BICD1: variants seen among roughly 807,000 people sequenced by gnomAD.
The protein encoded by BICD1 is BICD cargo adaptor 1, also known as protein bicaudal D homolog 1.
A neutral mutation model predicts 92.5 loss-of-function variants in BICD1; 35 were observed. The ratio of observed to expected loss-of-function variants is 0.38; its 90% CI spans 0.29 to 0.50. The LOEUF is 0.50. BICD1 is among the 20% of genes least tolerant of loss of function. BICD1 has a pLI of 0.93. For synonymous variants in BICD1, 429 were observed against 465.1 expected (o/e 0.92, Z 1.00); for missense variants, 950 against 1,189.8 (o/e 0.80, Z 2.97).
chr12:32,334,957 A>G (rs983729233), intron 6 of BICD1, among the ~76,000 whole-genome samples: 10 of 152,106 alleles, frequency 6.6e-5, no homozygotes, highest in African/African-American at 2.4e-4. Context: ...CCCCAAAGAG[A>G]GTCTCCCTCC....
chr12:32,214,253 G>T (rs1275075308), intron 1 of BICD1, among the ~76,000 whole-genome samples: 1 of 152,124 alleles, frequency 6.6e-6, no homozygotes, highest in Non-Finnish European at 1.5e-5. Context: ...CTTCTCCAAA[G>T]ACCCTAGTTC....
chr12:32,351,057 TG>T (rs1233022221), intron 8 of BICD1, among the ~76,000 whole-genome samples: 1 of 151,916 alleles, frequency 6.6e-6, no homozygotes, highest in African/African-American at 2.4e-5. Flanking sequence ...AGTCCACAGA[TG>T]AGATCTTCTG....
chr12:32,164,067 C>T (rs771267534), intron 1 of BICD1, among the ~76,000 whole-genome samples: 3 of 152,142 alleles, frequency 2.0e-5, no homozygotes, highest in Non-Finnish European at 4.4e-5. Context: ...CTCCATCTCC[C>T]GTGTGTTTCC....
chr12:32,248,717 T>C (rs947350444), intron 2 of BICD1, among the ~76,000 whole-genome samples: 1 of 152,134 alleles, frequency 6.6e-6, no homozygotes, highest in African/African-American at 2.4e-5. Flanking sequence ...CAGGTTCTTG[T>C]CTCACAACCA....
intron 2 of BICD1, among the ~76,000 whole-genome samples, chr12:32,267,912 G>A (rs1464646787): frequency 1.3e-5 from 2 of 152,100 alleles, no homozygotes; most frequent in Non-Finnish European, 2.9e-5. Context: ...CAAGTGATCC[G>A]CCGCAGCCTC....
chr12:32,333,140 T>A (rs1294499349), intron 5 of BICD1: 4 of 984,488 alleles, frequency 4.1e-6, no homozygotes, highest in African/African-American at 1.7e-5. Context: ...CTTACAAATT[T>A]GTTACATCTA....
Position 32,286,186 on chromosome 12 carries a change from A to C in BICD1, c.427-7808A>C, listed in dbSNP as rs144347323. 5.6e-3 allele frequency among the ~76,000 whole-genome samples: 858 copies of C among 152,286 alleles called. 7 individuals are homozygous for C. Among genetic ancestry groups the C allele is most frequent in the African/African-American group, 0.019 (805 of 41,564 alleles). ...TTCTTGACATTTACTGTTTCACTGC[A>C]TAAGATTTTATGGTTAATTCCCAGA... On this transcript the variant is annotated intron_variant, in intron 2 of 9. Coordinates refer to ENST00000652176, the MANE Select transcript of BICD1 (RefSeq NM_001714.4).
chr12:32,380,548 G>T lies in BICD1; in HGVS notation c.*2921G>T, dbSNP rs1407110670. 1 of 152,146 alleles carries T rather than the reference G, an allele frequency of 6.6e-6. No individual in the cohort carries two copies. Among genetic ancestry groups the T allele is most frequent in the African/African-American group, 2.4e-5 (1 of 41,442 alleles). 9.4% of individuals were successfully genotyped at this position (152,146 alleles called of 1,614,324 possible). A position where few individuals can be genotyped will look rare whatever the true frequency, so the allele number is the denominator to read the frequency against. Reference sequence around the variant, plus strand: ...CAATTACAATATTGAATAGTATGGAGAAATGCTTTTCTCCTGAGGATTTTC... The same window carrying T: ...CAATTACAATATTGAATAGTATGGATAAATGCTTTTCTCCTGAGGATTTTC... On this transcript the variant is annotated 3_prime_UTR_variant, in exon 10 of 10. Transcript: ENST00000652176.
chr12:32,198,629 G>C (rs1325169230), intron 1 of BICD1, among the ~76,000 whole-genome samples: 3 of 150,204 alleles, frequency 2.0e-5, no homozygotes, highest in Non-Finnish European at 4.4e-5. Context: ...AGTTTTTTGG[G>C]CTTCTTAAAA....
chr12:32,277,745 C>G (rs1399105020), intron 2 of BICD1, among the ~76,000 whole-genome samples: 1 of 152,218 alleles, frequency 6.6e-6, no homozygotes, highest in Non-Finnish European at 1.5e-5. Context: ...GCAAATCAAG[C>G]TGTAAACTAT....
At chr12:32,289,968 T>C (rs1295041872) in intron 2 of BICD1, among the ~76,000 whole-genome samples, 2 of 152,108 alleles carry the variant, frequency 1.3e-5, no homozygotes, top group Non-Finnish European at 2.9e-5. Context: ...TCAGCACTGA[T>C]AAAAACAGAG....
At chr12:32,237,054 T>C (rs1446575978) in intron 2 of BICD1, among the ~76,000 whole-genome samples, 1 of 151,932 alleles carries the variant, frequency 6.6e-6, no homozygotes. Context: ...TTTTTGTATT[T>C]TTAATAGAGA....
rs1940053667 is a variant in BICD1, at chr12:32,378,181, G to A, written c.*554G>A. On this transcript the variant is annotated 3_prime_UTR_variant, in exon 10 of 10. Transcript: ENST00000652176. ...TGAATTTAGTTTGAAATCTGGAATTGGCCAGACTGTGGTCATTTTTCTTGC... is the reference window on the plus strand; with the variant it reads ...TGAATTTAGTTTGAAATCTGGAATTAGCCAGACTGTGGTCATTTTTCTTGC... 6.6e-6 allele frequency: 1 copy of A among 152,322 alleles called. No homozygotes were observed. Among genetic ancestry groups the A allele is most frequent in the Admixed American group, 6.5e-5 (1 of 15,294 alleles). The allele number at this position is 152,322 out of a possible 1,614,324, so 9.4% of individuals were successfully genotyped here.
chr12:32,295,377 G>C (rs1947839801), intron 3 of BICD1, among the ~76,000 whole-genome samples: 1 of 152,084 alleles, frequency 6.6e-6, no homozygotes, highest in Non-Finnish European at 1.5e-5. Context: ...CTCTATTCTG[G>C]TCTAAACGCT....
At chr12:32,258,632 T>C (rs1240352269) in intron 2 of BICD1, among the ~76,000 whole-genome samples, 2 of 151,376 alleles carry the variant, frequency 1.3e-5, no homozygotes, top group African/African-American at 4.9e-5. Context: ...GGAGGGTGAG[T>C]CATCCAAGTG....
intron 8 of BICD1, among the ~76,000 whole-genome samples, chr12:32,343,710 A>G (rs576992646): frequency 6.6e-6 from 1 of 152,038 alleles, no homozygotes; most frequent in Non-Finnish European, 1.5e-5. Flanking sequence ...TGACTCAGCT[A>G]GTTTAAGAGA....
At chr12:32,247,410 C>T (rs1054661563) in intron 2 of BICD1, among the ~76,000 whole-genome samples, 1 of 151,974 alleles carries the variant, frequency 6.6e-6, no homozygotes. Flanking sequence ...TAAGGAATGA[C>T]GAGAATACAT....
chr12:32,233,132 G>A (rs2121589726), intron 2 of BICD1, among the ~76,000 whole-genome samples: 1 of 152,154 alleles, frequency 6.6e-6, no homozygotes, highest in South Asian at 2.1e-4. Flanking sequence ...GACCAGCCTG[G>A]CCAATATGGT....
chr12:32,344,219 G>A (rs1027123905), intron 8 of BICD1, among the ~76,000 whole-genome samples: 3 of 152,162 alleles, frequency 2.0e-5, no homozygotes, highest in African/African-American at 7.2e-5. Context: ...TGACTATATC[G>A]TAATAGGCAG....
Sources: allele counts gnomAD v4.1 joint callset (sites outside exome capture counted in the v4.1 genomes callset), GRCh38; gene constraint gnomAD v4.1.1; transcripts MANE v1.5; gene names NCBI Gene and HGNC (gene_info 2026-07-23, HGNC 2026-07-21).